Variants in ERCC6L2 observed in about 807,000 individuals in gnomAD.
ERCC6L2 encodes the protein DNA excision repair protein ERCC-6-like 2.
ERCC6L2 carries 77 observed loss-of-function variants against 132.0 expected under a neutral mutation model. The observed-to-expected ratio is 0.58, with a 90% confidence interval of 0.49 to 0.71. The LOEUF is 0.71. ERCC6L2 is among the 30% of genes least tolerant of loss of function. The pLI, the probability that ERCC6L2 is intolerant of heterozygous loss-of-function variation, is 0.00. For missense variants in ERCC6L2, 1,542 were observed against 1,837.6 expected, an observed-to-expected ratio of 0.84 and a Z score of 2.94; for synonymous variants, 583 against 632.4, an observed-to-expected ratio of 0.92 and a Z score of 1.17.
At chr9:95,916,555 G>GA (rs55856345) in intron 6 of ERCC6L2, 121 bp downstream of exon 6, 117,457 of 745,506 alleles carry the variant, frequency 0.16, 11,083 homozygotes, top group East Asian at 0.3. Context: ...ATTCTGTATG[G>GA]AAAAAATTGT....
At chr9:96,002,755 G>A (rs1022731200) in intron 17 of ERCC6L2, among the ~76,000 whole-genome samples, 3 of 152,108 alleles carry the variant, frequency 2.0e-5, no homozygotes, top group African/African-American at 2.4e-5. Context: ...TTCTTTGTAG[G>A]ATGTCTTATC....
At chr9:96,020,690 A>G (rs982068745), downstream of ERCC6L2, 1 of 431,668 alleles carries the variant, frequency 2.3e-6, no homozygotes. Context: ...GGAACAAGCA[A>G]GGCTTCCGCA....
intron 12 of ERCC6L2, among the ~76,000 whole-genome samples, chr9:95,945,841 A>C (rs140548476): frequency 3.0e-4 from 46 of 152,324 alleles, no homozygotes; most frequent in Non-Finnish European, 6.2e-4. Context: ...AAGCATGACC[A>C]ATGAAGTGTC....
At chr9:95,934,610 A>G (rs1830478809) in intron 11 of ERCC6L2, among the ~76,000 whole-genome samples, 1 of 152,130 alleles carries the variant, frequency 6.6e-6, no homozygotes, top group African/African-American at 2.4e-5. Flanking sequence ...TACTAGGCAC[A>G]ACTTCATTCT....
chr9:95,975,074 G>T (rs1382032492), intron 16 of ERCC6L2, among the ~76,000 whole-genome samples: 1 of 152,036 alleles, frequency 6.6e-6, no homozygotes, highest in Non-Finnish European at 1.5e-5. Flanking sequence ...AACATTTAGG[G>T]TTTATCTGTT....
downstream of ERCC6L2, chr9:96,021,095 T>C (rs1034932381): frequency 3.0e-5 from 13 of 431,754 alleles, no homozygotes; most frequent in Admixed American, 2.2e-4. This position sits in a 1 kb window ranked among gnomAD's most constrained non-coding sequence, Gnocchi z 4.7. Flanking sequence ...CCGTTCGGCT[T>C]TCCCCCTCGC....
At chr9:95,932,681 A>G (rs1403186189) in intron 11 of ERCC6L2, among the ~76,000 whole-genome samples, 2 of 152,144 alleles carry the variant, frequency 1.3e-5, no homozygotes, top group Admixed American at 6.5e-5. Flanking sequence ...TTGACCTTTT[A>G]TAATACTTAA....
chr9:95,983,376 C>G (rs1832965318), intron 17 of ERCC6L2, among the ~76,000 whole-genome samples: 1 of 152,128 alleles, frequency 6.6e-6, no homozygotes, highest in African/African-American at 2.4e-5. Flanking sequence ...GGTCACTGTT[C>G]CAATTGTATA....
rs767745101 is a variant in ERCC6L2 at position 96,015,015 on chromosome 9, G to GTTTTTTTTTTTTTTTTTT, written c.*1820_*1837dup. Among the ~76,000 whole-genome samples, 10 of 65,430 alleles carry GTTTTTTTTTTTTTTTTTT rather than the reference G, an allele frequency of 1.5e-4. 2 individuals are homozygous for GTTTTTTTTTTTTTTTTTT. Among genetic ancestry groups the GTTTTTTTTTTTTTTTTTT allele is most frequent in the Non-Finnish European group, 1.6e-4 (6 of 37,996 alleles). The allele number at this position is 65,430 out of a possible 152,430, so 42.9% of individuals were successfully genotyped here. A position where few individuals can be genotyped will look rare whatever the true frequency, so the allele number is the denominator to read the frequency against. On this transcript the variant is annotated 3_prime_UTR_variant, in exon 19 of 19. Transcript: ENST00000653738. ...GCTCTATAGTCTTCATATATGTACAGTTTTTTTTTTTTTTTTTTTTTTTTT... is the reference window on the plus strand; with the variant it reads ...GCTCTATAGTCTTCATATATGTACAGTTTTTTTTTTTTTTTTTTTTTTTTTTTTTTTTTTTTTTTTTTT...
At chr9:96,029,174 C>G (rs1402212053) in intron 19 of ERCC6L2, among the ~76,000 whole-genome samples, 15 of 151,700 alleles carry the variant, frequency 9.9e-5, no homozygotes, top group South Asian at 6.3e-4. Context: ...CGTGGTGGCA[C>G]GTGACTGTAA....
intron 2 of ERCC6L2, among the ~76,000 whole-genome samples, chr9:95,895,180 TAA>T (rs1477139685): frequency 6.6e-6 from 1 of 152,190 alleles, no homozygotes; most frequent in Non-Finnish European, 1.5e-5. Context: ...AATATTAAGT[TAA>T]AGTGTGCCTC....
intron 2 of ERCC6L2, among the ~76,000 whole-genome samples, chr9:95,891,523 G>A (rs531739412): frequency 4.3e-4 from 64 of 150,572 alleles, no homozygotes; most frequent in African/African-American, 1.6e-3. Context: ...GTGAACATTT[G>A]TATGCAAACA....
At chr9:95,988,390 C>T (rs989642626) in intron 17 of ERCC6L2, among the ~76,000 whole-genome samples, 33 of 152,164 alleles carry the variant, frequency 2.2e-4, no homozygotes, top group Admixed American at 6.5e-4. Context: ...ATTTTGGAGA[C>T]GTCAGTCATC....
intron 17 of ERCC6L2, 55 bp downstream of exon 17, chr9:95,978,270 TACTC>T (rs1347833352): frequency 1.3e-5 from 15 of 1,188,108 alleles, no homozygotes; most frequent in African/African-American, 1.3e-4. Flanking sequence ...TCACAGAAGT[TACTC>T]AATAGGATCT....
At chr9:95,992,716 A>G (rs1833344349) in intron 17 of ERCC6L2, among the ~76,000 whole-genome samples, 1 of 152,086 alleles carries the variant, frequency 6.6e-6, no homozygotes, top group African/African-American at 2.4e-5. Flanking sequence ...CTTCTAATCA[A>G]ATCAGCCTAA....
intron 20 of ERCC6L2, among the ~76,000 whole-genome samples, chr9:96,041,047 C>T (rs1055294784): frequency 6.6e-6 from 1 of 152,096 alleles, no homozygotes; most frequent in African/African-American, 2.4e-5. Context: ...AGAACGAGCC[C>T]GATGCCAATA....
chr9:95,882,690 G>T (rs1827656531), intron 2 of ERCC6L2, among the ~76,000 whole-genome samples: 2 of 152,112 alleles, frequency 1.3e-5, no homozygotes, highest in South Asian at 4.1e-4. Context: ...GCCAAATAAT[G>T]CTACTGTGTG....
At chr9:95,993,212 A>G (rs994106801) in intron 17 of ERCC6L2, among the ~76,000 whole-genome samples, 2 of 152,106 alleles carry the variant, frequency 1.3e-5, no homozygotes, top group African/African-American at 4.8e-5. Flanking sequence ...ATCTCCCCAA[A>G]TGGAAAGAGT....
At chr9:95,889,379 T>TA (rs1828039956) in intron 2 of ERCC6L2, among the ~76,000 whole-genome samples, 1 of 152,166 alleles carries the variant, frequency 6.6e-6, no homozygotes, top group South Asian at 2.1e-4. Flanking sequence ...TTTAAATTGT[T>TA]ATGGTATCTA....
Sources: gnomAD v4.1 joint callset for allele counts (sites outside exome capture counted in the v4.1 genomes callset) on GRCh38, gnomAD v4.1.1 for gene constraint, Gnocchi (gnomAD v3.1) non-coding constraint, MANE v1.5 for transcripts, NCBI Gene and HGNC (gene_info 2026-07-23, HGNC 2026-07-21) for gene names.